RELN: variants seen among roughly 807,000 people sequenced by gnomAD.
RELN encodes the protein reelin.
A neutral mutation model predicts 427.6 loss-of-function variants in RELN; 108 were observed. The ratio of observed to expected loss-of-function variants is 0.25; its 90% CI spans 0.22 to 0.30. The LOEUF (loss-of-function observed/expected upper bound fraction) is 0.30, where lower values mean the gene tolerates loss of function less well. RELN is among the 10% of genes least tolerant of loss of function. The pLI, the probability that RELN is intolerant of heterozygous loss-of-function variation, is 1.00. For synonymous variants in RELN, 1,524 were observed against 1,513.4 expected, an observed-to-expected ratio of 1.01 and a Z score of -0.16; for missense variants, 3,715 against 4,302.8, an observed-to-expected ratio of 0.86 and a Z score of 3.82.
At chr7:103,520,065 T>C in intron 48 of RELN, among the ~76,000 whole-genome samples, 1 of 152,130 alleles carries the variant, frequency 6.6e-6, no homozygotes, top group East Asian at 1.9e-4. Flanking sequence ...TTCCTTTTTT[T>C]TAATATGAAT....
intron 16 of RELN, among the ~76,000 whole-genome samples, chr7:103,642,336 G>A (rs1354736132): frequency 6.8e-6 from 1 of 147,854 alleles, no homozygotes; most frequent in Non-Finnish European, 1.5e-5. Context: ...TGAAATGGGA[G>A]AGATTTCATA....
chr7:103,747,842 A>G (rs1247702048), intron 6 of RELN, among the ~76,000 whole-genome samples: 1 of 152,090 alleles, frequency 6.6e-6, no homozygotes, highest in African/African-American at 2.4e-5. Context: ...GCTTAAGTAA[A>G]AGAGACATAA....
intron 24 of RELN, 57 bp from the exon 25 acceptor site, chr7:103,596,718 T>C (rs1001187290): frequency 1.4e-6 from 2 of 1,476,018 alleles, no homozygotes; most frequent in East Asian, 2.3e-5. Flanking sequence ...TGGCATTTTG[T>C]TGTTTCAGTT....
chr7:103,761,619 A>AT (rs1391233663), intron 4 of RELN, among the ~76,000 whole-genome samples: 1,511 of 148,710 alleles, frequency 0.01, 27 homozygotes, highest in African/African-American at 0.035. Flanking sequence ...AGACCAGTAA[A>AT]TTTTTTTTTG....
chr7:103,768,944 T>C (rs903187030), intron 4 of RELN, among the ~76,000 whole-genome samples: 1 of 152,182 alleles, frequency 6.6e-6, no homozygotes, highest in Non-Finnish European at 1.5e-5. Flanking sequence ...GTGCTATCTC[T>C]TTACAATACA....
rs541834318 is a variant in RELN at position 103,838,158 on chromosome 7, G to A, written c.338-4486C>T. On this transcript the variant is annotated intron_variant, in intron 2 of 64. Coordinates refer to ENST00000428762, the MANE Select transcript of RELN (RefSeq NM_005045.4). ...TGGGAGGCGGAGCTTGCAGTGAGCCGAGATCACGCCACTGCACTCCAGCCT... is the reference window on the plus strand; with the variant it reads ...TGGGAGGCGGAGCTTGCAGTGAGCCAAGATCACGCCACTGCACTCCAGCCT... 3.6e-3 allele frequency among the ~76,000 whole-genome samples: 483 copies of A among 133,382 alleles called. 2 individuals carry two copies. The highest frequency in any genetic ancestry group is 0.013 in the African/African-American group (464 of 34,742). The allele number at this position is 133,382 out of a possible 152,430, so 87.5% of individuals were successfully genotyped here.
At chr7:103,802,925 C>G (rs181795745) in intron 3 of RELN, among the ~76,000 whole-genome samples, 1 of 152,146 alleles carries the variant, frequency 6.6e-6, no homozygotes, top group Non-Finnish European at 1.5e-5. Context: ...AACTTTTTCA[C>G]ATGAAGTAAA....
intron 2 of RELN, among the ~76,000 whole-genome samples, chr7:103,841,281 A>G (rs1420348331): frequency 2.0e-5 from 3 of 152,216 alleles, no homozygotes; most frequent in African/African-American, 7.2e-5. Flanking sequence ...TTCTGTACCA[A>G]CAATCAATAT....
At chr7:103,929,530 A>G (rs973170554) in intron 1 of RELN, among the ~76,000 whole-genome samples, 1 of 152,188 alleles carries the variant, frequency 6.6e-6, no homozygotes, top group African/African-American at 2.4e-5. Context: ...CTGATCATAC[A>G]TAGTTTTATG....
rs750764421 is a variant in RELN at position 103,522,085 on chromosome 7, G to T, written c.7605C>A (p.Asn2535Lys). The change falls in exon 48 of 65, where the codon AAC (asparagine) becomes AAA (lysine). Residue 2535 changes from asparagine (N) to lysine (K), a missense_variant. This residue lies in a region of RELN where 1,310 missense variants were observed against 1,643.0 expected (regional missense o/e 0.80). Coordinates refer to ENST00000428762, the MANE Select transcript of RELN (RefSeq NM_005045.4). Reference sequence around the variant, plus strand: ...CACACACTGTACTCAATTTCCCTCCGTTCACAGTCAGCCAGTTCTGACTGG... The same window carrying T: ...CACACACTGTACTCAATTTCCCTCCTTTCACAGTCAGCCAGTTCTGACTGG... ...APSSQNWLTV[N>K]GGKLSTVCGA... is the part of the protein sequence containing the mutation. 1.1e-5 allele frequency: 18 copies of T among 1,613,868 alleles called. No homozygotes were observed. Among genetic ancestry groups the T allele is most frequent in the Non-Finnish European group, 1.4e-5 (16 of 1,180,020 alleles).
At chr7:103,760,479 T>C (rs557917411) in intron 4 of RELN, among the ~76,000 whole-genome samples, 11 of 152,268 alleles carry the variant, frequency 7.2e-5, no homozygotes, top group African/African-American at 2.4e-4. Context: ...CTCCAAAATA[T>C]AGCAGCACTA....
Position 103,874,416 on chromosome 7 carries a change from T to C in RELN, c.338-40744A>G, listed in dbSNP as rs1194569312. 2.1e-5 allele frequency among the ~76,000 whole-genome samples: 3 copies of C among 142,720 alleles called. 1 individual carries two copies. Among genetic ancestry groups the C allele is most frequent in the Non-Finnish European group, 4.6e-5 (3 of 64,692 alleles). The allele number at this position is 142,720 out of a possible 152,430, so 93.6% of individuals were successfully genotyped here. On this transcript the variant is annotated intron_variant, in intron 2 of 64. Transcript: ENST00000428762. ...CAATTAGGAAAAGAGGAAGTCAAATTGTCCCTGTTTGCAGATGACATGATT... is the reference window on the plus strand; with the variant it reads ...CAATTAGGAAAAGAGGAAGTCAAATCGTCCCTGTTTGCAGATGACATGATT...
chr7:103,663,346 A>G (rs886894484), intron 11 of RELN, among the ~76,000 whole-genome samples: 27 of 152,142 alleles, frequency 1.8e-4, no homozygotes, highest in Non-Finnish European at 3.5e-4. Context: ...CAGATCCTCA[A>G]TAATTCTTGT....
At chr7:103,489,987 A>G in intron 59 of RELN, 88 bp from the exon 60 acceptor site, 2 of 1,503,546 alleles carry the variant, frequency 1.3e-6, no homozygotes, top group Non-Finnish European at 9.1e-7. Flanking sequence ...AGAGGGGACT[A>G]TTTGTGAGAA....
chr7:103,709,963 A>G (rs1160892236), intron 8 of RELN, among the ~76,000 whole-genome samples: 2 of 152,222 alleles, frequency 1.3e-5, no homozygotes, highest in African/African-American at 4.8e-5. Context: ...TGAAAGGGAA[A>G]GTTGAGGCAA....
chr7:103,936,686 T>G (rs915695737), intron 1 of RELN, among the ~76,000 whole-genome samples: 5 of 151,288 alleles, frequency 3.3e-5, no homozygotes, highest in Non-Finnish European at 4.4e-5. Flanking sequence ...AGAAATCTGC[T>G]GTTTCTTTTA....
chr7:103,972,755 C>T (rs1432097839), intron 1 of RELN, among the ~76,000 whole-genome samples: 2 of 152,308 alleles, frequency 1.3e-5, no homozygotes, highest in East Asian at 1.9e-4. Flanking sequence ...CAGCAGGAAT[C>T]GCTTTAAAGC....
chr7:103,517,878 C>T (rs567725695), intron 49 of RELN, among the ~76,000 whole-genome samples: 1 of 152,338 alleles, frequency 6.6e-6, no homozygotes, highest in East Asian at 1.9e-4. Context: ...GCCTTCCTTG[C>T]ATCTGGGTGT....
At chr7:103,856,131 C>G (rs1276975437) in intron 2 of RELN, among the ~76,000 whole-genome samples, 2 of 152,098 alleles carry the variant, frequency 1.3e-5, no homozygotes, top group Non-Finnish European at 2.9e-5. Flanking sequence ...AAGATGCTAT[C>G]AAATAAGGAT....
Sources: gnomAD v4.1 joint callset for allele counts (sites outside exome capture counted in the v4.1 genomes callset) on GRCh38, gnomAD v4.1.1 for gene constraint, gnomAD v4.1.1 regional missense constraint, MANE v1.5 for transcripts, NCBI Gene and HGNC (gene_info 2026-07-23, HGNC 2026-07-21) for gene names.